The following COL10A1 variants were observed in gnomAD, a reference collection of about 807,000 sequenced individuals.
COL10A1 encodes collagen type X alpha 1 chain.
COL10A1 carries 10 observed loss-of-function variants against 18.2 expected under a neutral mutation model. The observed-to-expected ratio is 0.55, with a 90% confidence interval of 0.34 to 0.93. The LOEUF (loss-of-function observed/expected upper bound fraction) is 0.93. Ranked by LOEUF, COL10A1 falls within the 40% of genes least tolerant of loss-of-function variation. The pLI, the probability that COL10A1 is intolerant of heterozygous loss-of-function variation, is 0.02. For synonymous variants in COL10A1, 330 were observed against 316.6 expected, an observed-to-expected ratio of 1.04 and a Z score of -0.45; for missense variants, 897 against 853.5, an observed-to-expected ratio of 1.05 and a Z score of -0.64.
the COL10A1 span, among the ~76,000 whole-genome samples, chr6:116,181,985 A>G: frequency 6.6e-6 from 1 of 152,080 alleles, no homozygotes; most frequent in African/African-American, 2.4e-5. Flanking sequence ...AGCAGTGTAC[A>G]CTATACCCAG....
At chr6:116,204,296 A>G in the COL10A1 span, among the ~76,000 whole-genome samples, 2 of 151,992 alleles carry the variant, frequency 1.3e-5, no homozygotes, top group Non-Finnish European at 2.9e-5. Flanking sequence ...GCTTTTTGGT[A>G]ATTACTTCAT....
chr6:116,186,553 T>C, the COL10A1 span, among the ~76,000 whole-genome samples: 91 of 152,104 alleles, frequency 6.0e-4, no homozygotes, highest in African/African-American at 2.1e-3. Context: ...CCCAAACTTA[T>C]TGGAGGCTTT....
the COL10A1 span, among the ~76,000 whole-genome samples, chr6:116,175,562 A>G: frequency 6.6e-6 from 1 of 152,126 alleles, no homozygotes; most frequent in Non-Finnish European, 1.5e-5. Flanking sequence ...ATGTTGGACC[A>G]TTTGATAATG....
chr6:116,198,457 T>C, the COL10A1 span, among the ~76,000 whole-genome samples: 1 of 152,030 alleles, frequency 6.6e-6, no homozygotes, highest in African/African-American at 2.4e-5. Context: ...TGGCTGGGTA[T>C]AGTGACTCAT....
At position 116,120,428 on chromosome 6, in the gene COL10A1, G is replaced by C; in HGVS notation, c.1688C>G (p.Pro563Arg). The change falls in exon 3 of 3, where the codon CCA becomes CGA. Residue 563 changes from proline (P) to arginine (R), a missense_variant. Physicochemically the swap from Pro to Arg is moderately radical, Grantham distance 103. Transcript: ENST00000651968. ...AAATGGTATGGGAGTTCCTATTGCT[G>C]GGTAAGCTTTGGAGAGAATAACAGT... The part of the protein sequence containing the change: ...AFTVILSKAY[P>R]AIGTPIPFDK... 1 of 1,614,244 alleles carries C rather than the reference G, an allele frequency of 6.2e-7. No homozygotes were observed. Among genetic ancestry groups the C allele is most frequent in the Non-Finnish European group, 8.5e-7 (1 of 1,180,048 alleles).
At chr6:116,190,183 C>T in the COL10A1 span, among the ~76,000 whole-genome samples, 1 of 151,878 alleles carries the variant, frequency 6.6e-6, no homozygotes, top group African/African-American at 2.4e-5. Flanking sequence ...TGTTCATTTT[C>T]TCCTCTTCCC....
At chr6:116,181,452 C>T in the COL10A1 span, among the ~76,000 whole-genome samples, 1 of 151,858 alleles carries the variant, frequency 6.6e-6, no homozygotes, top group Admixed American at 6.6e-5. Flanking sequence ...TAATAAAACC[C>T]AGCATCTGTT....
At chr6:116,139,569 ATAT>A (rs1177296657) in intron 1 of COL10A1, among the ~76,000 whole-genome samples, 1 of 152,188 alleles carries the variant, frequency 6.6e-6, no homozygotes, top group Non-Finnish European at 1.5e-5. Flanking sequence ...GTGTATTGGA[ATAT>A]TAAAAAACAT....
chr6:116,130,034 G>T (rs1779422397), upstream of COL10A1, among the ~76,000 whole-genome samples: 1 of 152,062 alleles, frequency 6.6e-6, no homozygotes, highest in South Asian at 2.1e-4. Context: ...TCTCTTTGGT[G>T]TTACTGGACA....
the COL10A1 span, among the ~76,000 whole-genome samples, chr6:116,178,100 C>T: frequency 0.2 from 20,699 of 102,848 alleles, 1,784 homozygotes; most frequent in African/African-American, 0.31. Context: ...CGCGCGCGCG[C>T]GCGTGCGTGC....
chr6:116,171,379 AG>A, the COL10A1 span, among the ~76,000 whole-genome samples: 1 of 152,232 alleles, frequency 6.6e-6, no homozygotes, highest in African/African-American at 2.4e-5. Flanking sequence ...CTGTTCTAAA[AG>A]GCCATTTGTA....
At chr6:116,143,104 TA>T (rs1182385184) in intron 1 of COL10A1, among the ~76,000 whole-genome samples, 6 of 152,330 alleles carry the variant, frequency 3.9e-5, no homozygotes, top group Non-Finnish European at 7.3e-5. Context: ...TTAGAAATAA[TA>T]TTAAAATGCC....
At chr6:116,172,238 T>C in the COL10A1 span, among the ~76,000 whole-genome samples, 1 of 152,134 alleles carries the variant, frequency 6.6e-6, no homozygotes, top group African/African-American at 2.4e-5. Context: ...ATAAGTGGTT[T>C]TAAGTTTAAG....
chr6:116,164,587 A>G, the COL10A1 span, among the ~76,000 whole-genome samples: 4 of 152,276 alleles, frequency 2.6e-5, no homozygotes, highest in African/African-American at 9.6e-5. Context: ...GTTAATATGC[A>G]TATGTGAGGT....
Position 116,120,130 on chromosome 6 carries a change from T to C in COL10A1, c.1986A>G (p.Leu662=), listed in dbSNP as rs373702256. Reference sequence around the variant, plus strand: ...AGGAGTGGACATACTCAGAGGAGTATAGGCCATTTGACTCGGCATTGGGAA... The same window carrying C: ...AGGAGTGGACATACTCAGAGGAGTACAGGCCATTTGACTCGGCATTGGGAA... The part of the protein sequence containing the change: ...LQLPNAESNG[L]YSSEYVHSSF... The change falls in exon 3 of 3, where the codon CTA becomes CTG. Residue 662 remains leucine, a synonymous_variant. Coordinates refer to ENST00000651968, the MANE Select transcript of COL10A1 (RefSeq NM_000493.4). 1.2e-6 allele frequency: 2 copies of C among 1,614,128 alleles called. No homozygotes were observed. The highest frequency in any genetic ancestry group is 8.5e-7 in the Non-Finnish European group (1 of 1,180,038).
chr6:116,191,865 C>T, the COL10A1 span, among the ~76,000 whole-genome samples: 2 of 151,996 alleles, frequency 1.3e-5, no homozygotes, highest in East Asian at 1.9e-4. Context: ...TTAATGTCCC[C>T]ACCAACAAGG....
chr6:116,134,550 T>G lies in COL10A1; in HGVS notation c.-15-9043A>C, dbSNP rs183743984. On this transcript the variant is annotated intron_variant, in intron 1 of 1. Transcript: ENST00000418500. ...ACTAAGAGCGTCAGGACATCAGATT[T>G]CCATGTTTATTGAGGTGGATGGTTT... is the stretch of plus-strand genomic sequence containing the variant. 2.6e-3 allele frequency among the ~76,000 whole-genome samples: 394 copies of G among 152,264 alleles called. 10 individuals carry two copies. In the South Asian group the frequency reaches 0.043, roughly 17 times the overall value.
At chr6:116,129,066 A>G (rs1779398053), upstream of COL10A1, among the ~76,000 whole-genome samples, 1 of 152,144 alleles carries the variant, frequency 6.6e-6, no homozygotes, top group African/African-American at 2.4e-5. Flanking sequence ...TAAATCCCAT[A>G]TATTGTACCA....
At chr6:116,177,539 G>C in the COL10A1 span, among the ~76,000 whole-genome samples, 1 of 152,000 alleles carries the variant, frequency 6.6e-6, no homozygotes, top group Non-Finnish European at 1.5e-5. Flanking sequence ...GTAAAATATA[G>C]TTTAAGTAAA....
Sources: allele counts gnomAD v4.1 joint callset (sites outside exome capture counted in the v4.1 genomes callset), GRCh38; gene constraint gnomAD v4.1.1; transcripts MANE v1.5; gene names NCBI Gene and HGNC (gene_info 2026-07-23, HGNC 2026-07-21).